Variants in GPC6 observed in about 807,000 individuals in gnomAD.
GPC6 encodes glypican 6.
A neutral mutation model predicts 55.2 loss-of-function variants in GPC6; 14 were observed. The ratio of observed to expected loss-of-function variants is 0.25; its 90% confidence interval spans 0.17 to 0.40. The LOEUF (loss-of-function observed/expected upper bound fraction) is 0.40, where lower values mean the gene tolerates loss of function less well. Among genes scored for constraint, GPC6 ranks in the 10% least tolerant of loss-of-function variants. The pLI is 1.00. For missense variants in GPC6, 641 were observed against 708.5 expected, an observed-to-expected ratio of 0.90 and a Z score of 1.08; for synonymous variants, 278 against 259.6, an observed-to-expected ratio of 1.07 and a Z score of -0.68.
At chr13:93,705,626 A>G (rs1175113160) in intron 2 of GPC6, among the ~76,000 whole-genome samples, 1 of 151,768 alleles carries the variant, frequency 6.6e-6, no homozygotes, top group African/African-American at 2.4e-5. Flanking sequence ...GGATGGAATT[A>G]AGTAGTGTTT....
intron 3 of GPC6, among the ~76,000 whole-genome samples, chr13:93,882,902 A>C (rs1344720692): frequency 6.6e-6 from 1 of 152,056 alleles, no homozygotes; most frequent in Non-Finnish European, 1.5e-5. Flanking sequence ...TGTAATTTTT[A>C]TTTTCAGTCA....
chr13:93,880,482 G>A (rs1360937914), intron 3 of GPC6, among the ~76,000 whole-genome samples: 2 of 151,996 alleles, frequency 1.3e-5, no homozygotes, highest in East Asian at 3.9e-4. Flanking sequence ...ACCAAACACC[G>A]CATATTCTCA....
chr13:94,278,909 T>C (rs1029395155), intron 4 of GPC6, among the ~76,000 whole-genome samples: 1 of 152,204 alleles, frequency 6.6e-6, no homozygotes, highest in Non-Finnish European at 1.5e-5. Context: ...TTTTTTGTTA[T>C]GTTTCTGCCA....
chr13:93,223,231 C>T (rs181099647), upstream of GPC6, among the ~76,000 whole-genome samples: 45 of 152,156 alleles, frequency 3.0e-4, no homozygotes, highest in African/African-American at 9.9e-4. Context: ...CACGACTCGT[C>T]TGTCACCTAT....
chr13:94,171,823 A>C (rs1888578335), intron 4 of GPC6, among the ~76,000 whole-genome samples: 1 of 152,180 alleles, frequency 6.6e-6, no homozygotes, highest in Admixed American at 6.5e-5. Context: ...TCTTAAAATG[A>C]CAGTGATCTG....
chr13:93,455,565 A>C (rs1328229383), intron 1 of GPC6, among the ~76,000 whole-genome samples: 1 of 152,132 alleles, frequency 6.6e-6, no homozygotes, highest in Non-Finnish European at 1.5e-5. Context: ...TTTAGCAGGT[A>C]GACTCAAAAA....
intron 4 of GPC6, among the ~76,000 whole-genome samples, chr13:94,064,278 C>T (rs1346829256): frequency 6.6e-6 from 1 of 152,178 alleles, no homozygotes; most frequent in African/African-American, 2.4e-5. Context: ...GATTAATTAG[C>T]CTGTTAGAGG....
chr13:94,004,097 G>C (rs1032236521), intron 3 of GPC6, among the ~76,000 whole-genome samples: 4 of 152,056 alleles, frequency 2.6e-5, no homozygotes, highest in Admixed American at 2.6e-4. Flanking sequence ...AATCATTCCA[G>C]TACTTTCATA....
intron 6 of GPC6, among the ~76,000 whole-genome samples, chr13:94,369,074 G>GT (rs200635694): frequency 0.011 from 1,656 of 152,014 alleles, 36 homozygotes; most frequent in African/African-American, 0.038. Context: ...ATTCACATTG[G>GT]TTTTTTTCCT....
chr13:93,345,488 A>C (rs543576978), intron 1 of GPC6, among the ~76,000 whole-genome samples: 4 of 152,114 alleles, frequency 2.6e-5, no homozygotes, highest in African/African-American at 4.8e-5. Context: ...ATGGAAAAAA[A>C]CTCTAAATGA....
chr13:94,129,018 G>A (rs1256778691), intron 4 of GPC6, among the ~76,000 whole-genome samples: 1 of 152,040 alleles, frequency 6.6e-6, no homozygotes, highest in Non-Finnish European at 1.5e-5. Context: ...CAACAAAAAA[G>A]GCTCAGACTA....
At chr13:93,760,099 A>G (rs1884909682) in intron 2 of GPC6, among the ~76,000 whole-genome samples, 1 of 152,204 alleles carries the variant, frequency 6.6e-6, no homozygotes, top group East Asian at 1.9e-4. Context: ...TAAGTGTCAT[A>G]CAGGTATTAA....
chr13:93,716,883 ACC>A (rs1883269297), intron 2 of GPC6, among the ~76,000 whole-genome samples: 1 of 151,674 alleles, frequency 6.6e-6, no homozygotes, highest in South Asian at 2.1e-4. Flanking sequence ...TATCTTTTAT[ACC>A]ATATATTTAC....
At chr13:93,969,448 A>G (rs534990101) in intron 3 of GPC6, among the ~76,000 whole-genome samples, 1 of 152,296 alleles carries the variant, frequency 6.6e-6, no homozygotes, top group East Asian at 1.9e-4. Flanking sequence ...AAGCAGACAG[A>G]GAAAATGCAT....
At chr13:93,946,762 A>G (rs1879030034) in intron 3 of GPC6, among the ~76,000 whole-genome samples, 2 of 152,174 alleles carry the variant, frequency 1.3e-5, no homozygotes, top group South Asian at 4.1e-4. Context: ...GCATCAGTCT[A>G]AGTGCTGGCT....
At chr13:93,454,206 C>A (rs1487521918) in intron 1 of GPC6, among the ~76,000 whole-genome samples, 4 of 135,952 alleles carry the variant, frequency 2.9e-5, no homozygotes, top group South Asian at 2.5e-4. Flanking sequence ...TACAGAGTGC[C>A]AATTGGTGTA....
At chr13:93,863,848 G>T (rs1352910165) in intron 3 of GPC6, among the ~76,000 whole-genome samples, 7 of 151,686 alleles carry the variant, frequency 4.6e-5, no homozygotes, top group Admixed American at 3.9e-4. Flanking sequence ...ATGTGCATTT[G>T]TGTTGCAAAA....
At chr13:94,264,565 T>A (rs546038870) in intron 4 of GPC6, among the ~76,000 whole-genome samples, 1 of 152,202 alleles carries the variant, frequency 6.6e-6, no homozygotes, top group Admixed American at 6.5e-5. Context: ...AAGATAATTT[T>A]TAGTACCTAG....
chr13:93,271,836 T>C (rs1286520116), intron 1 of GPC6, among the ~76,000 whole-genome samples: 1 of 152,180 alleles, frequency 6.6e-6, no homozygotes, highest in African/African-American at 2.4e-5. Context: ...AAAGAACTGA[T>C]TTTCCTTTCA....
Sources: gnomAD v4.1 joint callset for allele counts (sites outside exome capture counted in the v4.1 genomes callset) on GRCh38, gnomAD v4.1.1 for gene constraint, MANE v1.5 for transcripts, NCBI Gene and HGNC (gene_info 2026-07-23, HGNC 2026-07-21) for gene names.